UBE3C: variants seen among roughly 807,000 people sequenced by gnomAD.
UBE3C encodes the protein ubiquitin-protein ligase E3C.
In UBE3C, 42 loss-of-function variants were observed where a neutral mutation model predicts 129.4. That is an observed-to-expected ratio of 0.32 (90% CI 0.25 to 0.42). UBE3C has a LOEUF of 0.42. Among genes scored for constraint, UBE3C ranks in the 10% least tolerant of loss-of-function variants. The pLI, the probability that UBE3C is intolerant of heterozygous loss-of-function variation, is 1.00. For missense variants in UBE3C, 1,049 were observed against 1,319.1 expected (o/e 0.80, Z 3.17); for synonymous variants, 510 against 492.4 (o/e 1.04, Z -0.47).
chr7:157,197,417 T>C (rs80173821), intron 10 of UBE3C, among the ~76,000 whole-genome samples: 1 of 152,238 alleles, frequency 6.6e-6, no homozygotes, highest in East Asian at 1.9e-4. Flanking sequence ...TATCTTAAGG[T>C]CTATTCCTAA....
intron 13 of UBE3C, among the ~76,000 whole-genome samples, chr7:157,210,608 A>G (rs1809564175): frequency 6.6e-6 from 1 of 152,122 alleles, no homozygotes; most frequent in African/African-American, 2.4e-5. Context: ...GCTATTCTAC[A>G]CTCCCCTTCT....
At chr7:157,171,476 C>T (rs1231180774) in intron 4 of UBE3C, among the ~76,000 whole-genome samples, 1 of 151,448 alleles carries the variant, frequency 6.6e-6, no homozygotes, top group African/African-American at 2.4e-5. Context: ...TCGTAGTTCT[C>T]TAAAATTTTG....
intron 21 of UBE3C, chr7:157,256,696 T>C: frequency 2.0e-6 from 1 of 510,234 alleles, no homozygotes; most frequent in Non-Finnish European, 3.5e-6. Flanking sequence ...CACAGCCATT[T>C]ACACAGCCTC....
intron 1 of UBE3C, among the ~76,000 whole-genome samples, chr7:157,144,584 A>G (rs1394438208): frequency 6.6e-6 from 1 of 152,218 alleles, no homozygotes; most frequent in African/African-American, 2.4e-5. Flanking sequence ...ATATGGATAT[A>G]GAAAAGTTTG....
chr7:157,188,792 G>T (rs1808876728), intron 10 of UBE3C, among the ~76,000 whole-genome samples: 1 of 148,264 alleles, frequency 6.7e-6, no homozygotes, highest in Non-Finnish European at 1.5e-5. Context: ...GATTTTAACT[G>T]CTTTCAATTT....
intron 18 of UBE3C, among the ~76,000 whole-genome samples, chr7:157,240,457 T>C (rs1796282403): frequency 6.6e-6 from 1 of 152,198 alleles, no homozygotes. Flanking sequence ...CCAGTTAGTG[T>C]AGGGCCCACT....
rs939743744 is a variant in UBE3C, at chr7:157,186,961, C to T, written c.1271C>T (p.Thr424Ile). 5.0e-6 allele frequency: 8 copies of T among 1,613,404 alleles called. No homozygotes were observed. Among genetic ancestry groups the T allele is most frequent in the Non-Finnish European group, 8.5e-7 (1 of 1,179,698 alleles). Residue 424 changes from threonine to isoleucine, a missense_variant, in exon 10 of 23, where the codon ACC becomes ATC. By Grantham distance (89) the Thr-to-Ile change is moderately conservative. This residue lies in a region of UBE3C where 489 missense variants were observed against 513.8 expected (regional missense o/e 0.95). Coordinates refer to ENST00000348165, the MANE Select transcript of UBE3C (RefSeq NM_014671.3). ...TCTGCGAGCGAGGAGGTCTTCACCA[C>T]CATGGCCTCCGTCTGCCACACGCTG... Reference protein sequence around the residue: ...RDSASEEVFTTMASVCHTLMV... With the variant: ...RDSASEEVFTIMASVCHTLMV...
At chr7:157,143,360 A>C (rs1388846119) in intron 1 of UBE3C, among the ~76,000 whole-genome samples, 1 of 152,184 alleles carries the variant, frequency 6.6e-6, no homozygotes, top group Non-Finnish European at 1.5e-5. Context: ...AAAAAGAAAC[A>C]AAAACAAGTT....
At chr7:157,139,406 C>CGGGGTTGGACTT in intron 1 of UBE3C, 68 bp downstream of exon 1, 2 of 1,424,678 alleles carry the variant, frequency 1.4e-6, no homozygotes, top group Non-Finnish European at 9.2e-7. Flanking sequence ...GGCTGGGACT[C>CGGGGTTGGACTT]GGGGCTGGAC....
intron 22 of UBE3C, among the ~76,000 whole-genome samples, chr7:157,261,782 G>C (rs1796920745): frequency 6.6e-6 from 1 of 152,160 alleles, no homozygotes; most frequent in South Asian, 2.1e-4. Context: ...AAATGTGATT[G>C]TTACAGACAA....
intron 1 of UBE3C, among the ~76,000 whole-genome samples, chr7:157,158,729 T>G (rs1311160852): frequency 6.6e-6 from 1 of 152,218 alleles, no homozygotes; most frequent in Non-Finnish European, 1.5e-5. Context: ...CTTTGCTTTG[T>G]CAGGCATGAG....
At chr7:157,146,106 T>C (rs1285066355) in intron 1 of UBE3C, among the ~76,000 whole-genome samples, 2 of 152,252 alleles carry the variant, frequency 1.3e-5, no homozygotes, top group Non-Finnish European at 2.9e-5. Flanking sequence ...AATCTGTGTC[T>C]AGATTTTTAA....
At chr7:157,182,454 C>A in intron 8 of UBE3C, 126 bp downstream of exon 8, 1 of 921,346 alleles carries the variant, frequency 1.1e-6, no homozygotes, top group Non-Finnish European at 1.6e-6. Context: ...AGTGTATTTG[C>A]TGGAGGGATG....
Position 157,182,345 on chromosome 7 carries a change from C to G in UBE3C, c.991+17C>G, listed in dbSNP as rs1031105318. On this transcript the variant is annotated intron_variant, in intron 8 of 22. Transcript: ENST00000348165. ...ATTATTTGGGTATGAAATACAAGAT[C>G]TTTTTTACCTGAACACACATATGGG... is the stretch of plus-strand genomic sequence containing the variant. The G allele has an allele frequency of 6.8e-6, 11 of 1,610,622 alleles. No homozygotes were observed. Among genetic ancestry groups the G allele is most frequent in the South Asian group, 2.2e-5 (2 of 90,718 alleles).
At chr7:157,164,503 A>G in intron 2 of UBE3C, 1 of 456,586 alleles carries the variant, frequency 2.2e-6, no homozygotes, top group Non-Finnish European at 4.4e-6. Context: ...CACTGTTAAG[A>G]CATGTGTCTT....
chr7:157,187,377 T>C lies in UBE3C; in HGVS notation c.1331+356T>C, dbSNP rs1450839931. On this transcript the variant is annotated intron_variant, in intron 10 of 22. Coordinates refer to ENST00000348165, the MANE Select transcript of UBE3C (RefSeq NM_014671.3). ...CTTTTTTCATAGTACTCGTGTTTTATGGGGTTTTTTTTTTTCTTCTTCTTC... is the reference window on the plus strand; with the variant it reads ...CTTTTTTCATAGTACTCGTGTTTTACGGGGTTTTTTTTTTTCTTCTTCTTC... Among the ~76,000 whole-genome samples, 4 of 139,844 alleles carry C rather than the reference T, an allele frequency of 2.9e-5. No homozygotes were observed. The Admixed American group carries it at 2.9e-4, about 10-fold the overall frequency. The allele number at this position is 139,844 out of a possible 152,430, so 91.7% of individuals were successfully genotyped here.
Position 157,174,927 on chromosome 7 carries a change from G to C in UBE3C, c.351G>C (p.Leu117=), listed in dbSNP as rs1202251419. ...QNEDSKRLIW[L]YQNLIKHSSL... ...ATGTTTTGCTGTTTCAGATATGGCT[G>C]TATCAGAACTTAATTAAACACAGCT... The change falls in exon 5 of 23, where the codon CTG becomes CTC. Residue 117 remains leucine, a synonymous_variant. Transcript: ENST00000348165. 2 of 1,606,690 alleles carry C rather than the reference G, an allele frequency of 1.2e-6. No individual in the cohort carries two copies. Among genetic ancestry groups the C allele is most frequent in the Non-Finnish European group, 1.7e-6 (2 of 1,176,742 alleles).
intron 19 of UBE3C, among the ~76,000 whole-genome samples, chr7:157,250,825 G>T (rs1796603530): frequency 6.6e-6 from 1 of 152,160 alleles, no homozygotes; most frequent in South Asian, 2.1e-4. Flanking sequence ...TTTCTAAATG[G>T]CATAAAAGCC....
chr7:157,176,455 A>C (rs1351775243), intron 5 of UBE3C, among the ~76,000 whole-genome samples: 2 of 152,084 alleles, frequency 1.3e-5, no homozygotes, highest in Non-Finnish European at 2.9e-5. Flanking sequence ...TTGTATTTTT[A>C]GTAGAGATGG....
Sources: gnomAD v4.1 joint callset for allele counts (sites outside exome capture counted in the v4.1 genomes callset) on GRCh38, gnomAD v4.1.1 for gene constraint, gnomAD v4.1.1 regional missense constraint, MANE v1.5 for transcripts, NCBI Gene and HGNC (gene_info 2026-07-23, HGNC 2026-07-21) for gene names.